The following LINGO2 variants were observed in gnomAD, a reference collection of about 807,000 sequenced individuals.
LINGO2 encodes leucine rich repeat and Ig domain containing 2, also known as leucine-rich repeat and immunoglobulin-like domain-containing nogo receptor-interacting protein 2.
A neutral mutation model predicts 30.6 loss-of-function variants in LINGO2; 14 were observed. The observed-to-expected ratio is 0.46, with a 90% confidence interval of 0.30 to 0.72. The LOEUF (loss-of-function observed/expected upper bound fraction) is 0.72, where lower values mean the gene tolerates loss of function less well. Among genes scored for constraint, LINGO2 ranks in the 30% least tolerant of loss-of-function variants. The pLI, the probability that LINGO2 is intolerant of heterozygous loss-of-function variation, is 0.07. For synonymous variants in LINGO2, 317 were observed against 288.5 expected (o/e 1.10, Z -1.00); for missense variants, 729 against 751.7 (o/e 0.97, Z 0.35).
chr9:28,957,162 C>G, the LINGO2 span, among the ~76,000 whole-genome samples: 4 of 152,100 alleles, frequency 2.6e-5, no homozygotes, highest in Non-Finnish European at 5.9e-5. Flanking sequence ...CTTTGGATAT[C>G]ATCAGCATCG....
At position 28,090,412 on chromosome 9, in the gene LINGO2, C is replaced by T. The variant is rs964345562; in HGVS notation, c.-86-78007G>A. ...TGGGATGCAAGGCTGGTTCAACATACGCAAACCAATAAATGTAATCCAACA... is the reference window on the plus strand; with the variant it reads ...TGGGATGCAAGGCTGGTTCAACATATGCAAACCAATAAATGTAATCCAACA... On this transcript the variant is annotated intron_variant, in intron 4 of 5. Coordinates refer to ENST00000379992, the Ensembl canonical transcript of LINGO2. Among the ~76,000 whole-genome samples, 41 of 152,142 alleles carry T rather than the reference C, an allele frequency of 2.7e-4. 1 individual carries two copies. In the Middle Eastern group the frequency reaches 0.01, roughly 38 times the overall value.
At chr9:29,164,107 G>GAA in the LINGO2 span, among the ~76,000 whole-genome samples, 76 of 144,716 alleles carry the variant, frequency 5.3e-4, no homozygotes, top group African/African-American at 1.6e-3. Context: ...CTACATGGAG[G>GAA]AAAAAAAAAA....
At chr9:28,851,275 C>T in the LINGO2 span, among the ~76,000 whole-genome samples, 1 of 152,048 alleles carries the variant, frequency 6.6e-6, no homozygotes, top group African/African-American at 2.4e-5. Flanking sequence ...CATTTGCTTG[C>T]TTCCATTCAA....
rs1437426456 is a variant in LINGO2 at position 28,555,944 on chromosome 9, AG to A, written c.-364-79920del. ...GAAAAGGCCTTTGACAAAATTCAAC[AG>A]CCCTTCATGCTAAAAACTCTCAATA... On this transcript the variant is annotated intron_variant, in intron 1 of 5. Coordinates refer to ENST00000379992, the Ensembl canonical transcript of LINGO2. Among the ~76,000 whole-genome samples the A allele has an allele frequency of 8.5e-5, 13 of 152,232 alleles. No individual in the cohort carries two copies. In the East Asian group the frequency reaches 2.1e-3, roughly 25 times the overall value.
At chr9:28,396,575 G>A (rs992235547) in intron 2 of LINGO2, among the ~76,000 whole-genome samples, 2 of 151,690 alleles carry the variant, frequency 1.3e-5, no homozygotes, top group African/African-American at 2.4e-5. Context: ...ATGGTGGCGG[G>A]CACTTGTAGT....
At chr9:28,186,344 T>G (rs1819542587) in intron 4 of LINGO2, among the ~76,000 whole-genome samples, 2 of 151,544 alleles carry the variant, frequency 1.3e-5, no homozygotes, top group Admixed American at 1.3e-4. Context: ...AGGGTCTGTT[T>G]AAGTTAAAGT....
the LINGO2 span, among the ~76,000 whole-genome samples, chr9:29,076,061 T>C: frequency 6.6e-6 from 1 of 151,738 alleles, no homozygotes; most frequent in Non-Finnish European, 1.5e-5. Flanking sequence ...GTTGTTTTTG[T>C]AGAGATAGGC....
the LINGO2 span, among the ~76,000 whole-genome samples, chr9:28,979,738 C>T: frequency 1.3e-5 from 2 of 152,112 alleles, no homozygotes; most frequent in African/African-American, 4.8e-5. Context: ...CTAATTATAA[C>T]AGTTTTCTTC....
At chr9:28,167,056 G>A (rs1828447803) in intron 4 of LINGO2, among the ~76,000 whole-genome samples, 1 of 151,698 alleles carries the variant, frequency 6.6e-6, no homozygotes, top group Non-Finnish European at 1.5e-5. Flanking sequence ...TAGAATCCCA[G>A]TCTATGGGTA....
the LINGO2 span, among the ~76,000 whole-genome samples, chr9:28,808,194 C>T: frequency 6.6e-6 from 1 of 152,186 alleles, no homozygotes; most frequent in Non-Finnish European, 1.5e-5. Context: ...GCATCAATTA[C>T]ACATAATCTT....
intron 4 of LINGO2, among the ~76,000 whole-genome samples, chr9:28,199,997 GA>G (rs11325617): frequency 0.65 from 79,727 of 122,916 alleles, 24,750 homozygotes; most frequent in East Asian, 0.77. Context: ...CTTCATTTAG[GA>G]AAAAAAAAAA....
intron 4 of LINGO2, among the ~76,000 whole-genome samples, chr9:28,268,380 C>A (rs1056151276): frequency 1.3e-5 from 2 of 152,014 alleles, no homozygotes; most frequent in Non-Finnish European, 2.9e-5. Flanking sequence ...CAGGGTCATG[C>A]AGAAGAACCT....
chr9:28,947,292 T>G, the LINGO2 span, among the ~76,000 whole-genome samples: 1 of 152,090 alleles, frequency 6.6e-6, no homozygotes, highest in South Asian at 2.1e-4. Context: ...AAATAGTGGC[T>G]TATATTTTAA....
the LINGO2 span, among the ~76,000 whole-genome samples, chr9:28,847,974 T>C: frequency 9.1e-6 from 1 of 110,234 alleles, no homozygotes; most frequent in East Asian, 2.7e-4. Context: ...TATATATGTA[T>C]ATATGTGTAT....
At chr9:28,766,330 C>G in the LINGO2 span, among the ~76,000 whole-genome samples, 9 of 150,836 alleles carry the variant, frequency 6.0e-5, no homozygotes, top group Non-Finnish European at 1.0e-4. Context: ...AACTGGCTAA[C>G]AAGTATATGA....
At chr9:28,341,082 T>G (rs915136767) in intron 3 of LINGO2, among the ~76,000 whole-genome samples, 2 of 152,102 alleles carry the variant, frequency 1.3e-5, no homozygotes, top group Non-Finnish European at 2.9e-5. Context: ...GTTATCTGGA[T>G]TGTTTAATGA....
chr9:28,745,994 A>G, the LINGO2 span, among the ~76,000 whole-genome samples: 1 of 152,082 alleles, frequency 6.6e-6, no homozygotes, highest in Non-Finnish European at 1.5e-5. Context: ...TATAAGATAA[A>G]AATACACAAA....
the LINGO2 span, among the ~76,000 whole-genome samples, chr9:28,752,155 C>A: frequency 6.6e-6 from 1 of 151,888 alleles, no homozygotes; most frequent in Non-Finnish European, 1.5e-5. Context: ...TATTGAGACT[C>A]GGGTTTGAAC....
rs969332584 is a variant in LINGO2, at chr9:28,409,830, A to G, written c.-278-36962T>C. 2.7e-5 allele frequency among the ~76,000 whole-genome samples: 4 copies of G among 150,570 alleles called. No homozygotes were observed. In the Admixed American group the frequency reaches 2.7e-4, roughly 10 times the overall value. ...TCTAGCCCAACAACCTCTTTAAACTAATCAAACTGAGGCTAAAGGACATGA... is the reference window on the plus strand; with the variant it reads ...TCTAGCCCAACAACCTCTTTAAACTGATCAAACTGAGGCTAAAGGACATGA... On this transcript the variant is annotated intron_variant, in intron 2 of 5. Coordinates refer to ENST00000379992, the Ensembl canonical transcript of LINGO2.
Sources: gnomAD v4.1 joint callset for allele counts (sites outside exome capture counted in the v4.1 genomes callset) on GRCh38, gnomAD v4.1.1 for gene constraint, MANE v1.5 for transcripts, NCBI Gene and HGNC (gene_info 2026-07-23, HGNC 2026-07-21) for gene names.